Variants in CSMD3 observed in about 807,000 individuals in gnomAD.
The protein encoded by CSMD3 is CUB and Sushi multiple domains 3, also known as CUB and sushi domain-containing protein 3.
A neutral mutation model predicts 435.2 loss-of-function variants in CSMD3; 177 were observed. That is an observed-to-expected ratio of 0.41 (90% CI 0.36 to 0.46). The LOEUF is 0.46. Among genes scored for constraint, CSMD3 ranks in the 20% least tolerant of loss-of-function variants. The probability of loss-of-function intolerance (pLI) is 0.34; values close to 1 mark genes in which losing one functional copy is unlikely to be tolerated. For synonymous variants in CSMD3, 1,656 were observed against 1,520.5 expected (o/e 1.09, Z -2.07); for missense variants, 4,265 against 4,504.6 (o/e 0.95, Z 1.52).
At chr8:113,120,218 T>C (rs865991608) in intron 4 of CSMD3, among the ~76,000 whole-genome samples, 1 of 152,196 alleles carries the variant, frequency 6.6e-6, no homozygotes, top group African/African-American at 2.4e-5. Context: ...CAATATGACA[T>C]ACAGAAAGCT....
intron 10 of CSMD3, among the ~76,000 whole-genome samples, chr8:112,888,863 C>G (rs1167937334): frequency 6.6e-6 from 1 of 151,576 alleles, no homozygotes; most frequent in Non-Finnish European, 1.5e-5. Context: ...CTGCATGAAA[C>G]TTAACTGGTC....
intron 27 of CSMD3, among the ~76,000 whole-genome samples, chr8:112,517,749 A>G (rs1345543815): frequency 1.3e-5 from 2 of 152,182 alleles, no homozygotes; most frequent in Admixed American, 6.6e-5. Context: ...ATTTTTTAAA[A>G]AATATATGAT....
chr8:113,171,231 T>C (rs1290186221), intron 4 of CSMD3, among the ~76,000 whole-genome samples: 3 of 151,986 alleles, frequency 2.0e-5, no homozygotes, highest in Non-Finnish European at 4.4e-5. Context: ...CTCTAACAGG[T>C]TTATGATTTT....
intron 5 of CSMD3, among the ~76,000 whole-genome samples, chr8:113,032,330 A>G (rs2087146826): frequency 6.6e-6 from 1 of 151,620 alleles, no homozygotes; most frequent in Non-Finnish European, 1.5e-5. Flanking sequence ...TGATAGTACT[A>G]TGGACAATGA....
intron 9 of CSMD3, among the ~76,000 whole-genome samples, chr8:112,933,491 T>G (rs1478139565): frequency 6.6e-6 from 1 of 152,014 alleles, no homozygotes; most frequent in Admixed American, 6.6e-5. Flanking sequence ...TCACCATCTC[T>G]CCACCAAGTC....
At chr8:113,076,162 TG>T (rs571194677) in intron 5 of CSMD3, among the ~76,000 whole-genome samples, 146 of 151,530 alleles carry the variant, frequency 9.6e-4, no homozygotes, top group Admixed American at 1.8e-3. Flanking sequence ...GAATAAAAAC[TG>T]GTCCAATTAG....
At chr8:113,358,641 A>G (rs2094250108) in intron 1 of CSMD3, among the ~76,000 whole-genome samples, 1 of 152,228 alleles carries the variant, frequency 6.6e-6, no homozygotes, top group South Asian at 2.1e-4. Flanking sequence ...AGTATGTTGG[A>G]GTATGATATG....
chr8:112,477,214 G>C (rs770696443), intron 31 of CSMD3, among the ~76,000 whole-genome samples: 1 of 151,740 alleles, frequency 6.6e-6, no homozygotes, highest in East Asian at 1.9e-4. Flanking sequence ...TTCTTTCTGC[G>C]ATGGAAATTG....
In CSMD3 at chr8:112,573,354, G is replaced by T. The variant is rs1586712568; in HGVS notation, c.4042+147C>A. ...AATACCTGTAACTTACCGGGCTGTT[G>T]TTAGGGTCAAATAAAATTATATATG... On this transcript the variant is annotated intron_variant, in intron 24 of 70. Transcript: ENST00000297405. 3 of 772,880 alleles carry T rather than the reference G, an allele frequency of 3.9e-6. No homozygotes were observed. In the South Asian group the frequency reaches 4.6e-5, roughly 12 times the overall value. 47.9% of individuals were successfully genotyped at this position (772,880 alleles called of 1,614,324 possible). A position where few individuals can be genotyped will look rare whatever the true frequency, so the allele number is the denominator to read the frequency against.
intron 2 of CSMD3, among the ~76,000 whole-genome samples, chr8:113,306,044 CAACAGTAAGCA>C (rs1327850857): frequency 6.6e-6 from 1 of 152,036 alleles, no homozygotes. Context: ...ATAGTTGAAC[CAACAGTAAGCA>C]AAGTTCACTT....
intron 6 of CSMD3, among the ~76,000 whole-genome samples, chr8:112,990,067 G>T (rs1465676319): frequency 6.6e-6 from 1 of 151,852 alleles, no homozygotes. Context: ...TTCACCTTCC[G>T]CCATGATTGT....
chr8:112,472,608 G>A lies in CSMD3; in HGVS notation c.5378C>T (p.Ala1793Val), dbSNP rs1223808513. 9.5e-6 allele frequency: 15 copies of A among 1,572,406 alleles called. No individual in the cohort carries two copies. Among genetic ancestry groups the A allele is most frequent in the Non-Finnish European group, 1.3e-5 (15 of 1,142,282 alleles). ...SVGHNCVYSI[A>V]VPKEFVVFGQ... ...TTACTTACCAAACTCCTTTGGAACT[G>A]CTATAGAATAAACACAATTATGTCC... The change falls in exon 32 of 71, where the codon GCA becomes GTA. Residue 1793 changes from alanine (A) to valine (V), a missense_variant. Physicochemically the swap from Ala to Val is moderately conservative, Grantham distance 64. Transcript: ENST00000297405.
chr8:113,216,542 T>A (rs916384237), intron 3 of CSMD3, among the ~76,000 whole-genome samples: 8 of 151,966 alleles, frequency 5.3e-5, no homozygotes, highest in African/African-American at 1.9e-4. Context: ...CAAAAAATGT[T>A]AAATATGAAA....
chr8:112,595,838 C>T (rs1304997047), intron 22 of CSMD3, among the ~76,000 whole-genome samples: 1 of 103,238 alleles, frequency 9.7e-6, no homozygotes, highest in Non-Finnish European at 1.9e-5. Context: ...CACCACCAGG[C>T]CTGCCCTAAA....
chr8:112,931,135 C>T, intron 9 of CSMD3, among the ~76,000 whole-genome samples: 1 of 152,002 alleles, frequency 6.6e-6, no homozygotes, highest in East Asian at 1.9e-4. Context: ...CCAAAGCAAA[C>T]ATACCTTAAA....
At chr8:112,889,838 C>T (rs1164455060) in intron 10 of CSMD3, among the ~76,000 whole-genome samples, 1 of 151,552 alleles carries the variant, frequency 6.6e-6, no homozygotes, top group Non-Finnish European at 1.5e-5. Flanking sequence ...TACCTCCAGA[C>T]TTGTAAGACA....
intron 33 of CSMD3, 29 bp from the exon 34 acceptor site, chr8:112,408,442 C>A (rs2130066865): frequency 7.5e-7 from 1 of 1,327,004 alleles, no homozygotes; most frequent in South Asian, 1.2e-5. Flanking sequence ...ACTAAGATAT[C>A]ATAAATAATT....
At chr8:113,169,193 T>C (rs1050271367) in intron 4 of CSMD3, among the ~76,000 whole-genome samples, 2 of 152,154 alleles carry the variant, frequency 1.3e-5, no homozygotes, top group African/African-American at 4.8e-5. Flanking sequence ...CATCAGTCAT[T>C]TCTCTAACAC....
intron 4 of CSMD3, among the ~76,000 whole-genome samples, chr8:113,132,668 T>C (rs1203973714): frequency 3.3e-5 from 5 of 152,126 alleles, no homozygotes; most frequent in Non-Finnish European, 7.4e-5. Context: ...TTCTTTATAG[T>C]AGTGTGAAAG....
Sources: allele counts gnomAD v4.1 joint callset (sites outside exome capture counted in the v4.1 genomes callset), GRCh38; gene constraint gnomAD v4.1.1; transcripts MANE v1.5; gene names NCBI Gene and HGNC (gene_info 2026-07-23, HGNC 2026-07-21).